Variants in CACNA1C observed in about 807,000 individuals in gnomAD.
CACNA1C encodes calcium voltage-gated channel subunit alpha1 C, also known as voltage-dependent L-type calcium channel subunit alpha-1C.
A neutral mutation model predicts 229.0 loss-of-function variants in CACNA1C; 30 were observed. The observed-to-expected ratio is 0.13, with a 90% CI of 0.10 to 0.18. The LOEUF is 0.18. Ranked by LOEUF, CACNA1C falls within the 10% of genes least tolerant of loss-of-function variation. The pLI, the probability that CACNA1C is intolerant of heterozygous loss-of-function variation, is 1.00. For synonymous variants in CACNA1C, 1,114 were observed against 1,132.5 expected (o/e 0.98, Z 0.33); for missense variants, 1,658 against 2,845.0 (o/e 0.58, Z 9.49).
At chr12:2,582,610 A>G (rs1414576086) in intron 14 of CACNA1C, among the ~76,000 whole-genome samples, 1 of 152,176 alleles carries the variant, frequency 6.6e-6, no homozygotes, top group Non-Finnish European at 1.5e-5. Context: ...GTCACCCTTC[A>G]AATAATATTA....
intron 3 of CACNA1C, among the ~76,000 whole-genome samples, chr12:2,306,041 G>A (rs1194627436): frequency 6.6e-6 from 1 of 152,202 alleles, no homozygotes; most frequent in Non-Finnish European, 1.5e-5. Flanking sequence ...CTTGCCAGAA[G>A]TTATGCAGCT....
chr12:2,489,532 T>A (rs2154571161), intron 6 of CACNA1C, among the ~76,000 whole-genome samples: 1 of 152,346 alleles, frequency 6.6e-6, no homozygotes, highest in Admixed American at 6.5e-5. Flanking sequence ...CCCATCTGTT[T>A]GATGGTGCAC....
rs190143423 is a variant in CACNA1C at position 2,641,840 on chromosome 12, T to C, written c.3913-6635T>C. On this transcript the variant is annotated intron_variant, in intron 30 of 46. Coordinates refer to ENST00000399655, the MANE Select transcript of CACNA1C (RefSeq NM_000719.7). ...CCCCATCCCCCCACAAAGGCTGTTTTCTACTCTGCTTAAGAGTATGGCTGG... is the reference window on the plus strand; with the variant it reads ...CCCCATCCCCCCACAAAGGCTGTTTCCTACTCTGCTTAAGAGTATGGCTGG... 1,808 of 700,504 alleles carry C rather than the reference T, an allele frequency of 2.6e-3. 19 individuals are homozygous for C. Among genetic ancestry groups the C allele is most frequent in the Non-Finnish European group, 1.1e-3 (417 of 384,384 alleles). 43.4% of individuals were successfully genotyped at this position (700,504 alleles called of 1,614,324 possible).
intron 27 of CACNA1C, among the ~76,000 whole-genome samples, chr12:2,610,088 G>A (rs774522112): frequency 6.6e-6 from 1 of 152,176 alleles, no homozygotes; most frequent in Non-Finnish European, 1.5e-5. Flanking sequence ...TCACACCACT[G>A]CACTCCAGCC....
chr12:2,680,614 G>A (rs1160271527), intron 42 of CACNA1C: 8 of 1,512,608 alleles, frequency 5.3e-6, no homozygotes, highest in East Asian at 2.5e-5. Flanking sequence ...GAAAATAATA[G>A]AGAAGTAGCA....
At chr12:1,977,322 G>C (rs2034710918) in intron 1 of CACNA1C, among the ~76,000 whole-genome samples, 1 of 152,144 alleles carries the variant, frequency 6.6e-6, no homozygotes, top group Admixed American at 6.5e-5. Flanking sequence ...GCCTTCGTTG[G>C]AGAGGTGTCA....
chr12:1,978,307 G>T (rs1029757378), intron 1 of CACNA1C, among the ~76,000 whole-genome samples: 5 of 152,148 alleles, frequency 3.3e-5, no homozygotes, highest in African/African-American at 1.2e-4. Flanking sequence ...AAGTACTGAA[G>T]ATGTGTTTTA....
chr12:2,110,309 G>T (rs977900724), intron 1 of CACNA1C, among the ~76,000 whole-genome samples: 2 of 152,188 alleles, frequency 1.3e-5, no homozygotes, highest in African/African-American at 4.8e-5. Flanking sequence ...TTTGACAGGT[G>T]GGAGGCATTT....
chr12:2,585,263 C>A lies in CACNA1C; in HGVS notation c.2340-113C>A. Reference sequence around the variant, plus strand: ...TGGAGAAAGGAAGATGGACTCAGACCCAGGGGATCTGTCCCCTCTGGCCCC... The same window carrying A: ...TGGAGAAAGGAAGATGGACTCAGACACAGGGGATCTGTCCCCTCTGGCCCC... On this transcript the variant is annotated intron_variant, in intron 16 of 46. Transcript: ENST00000399655. This position sits in a 1 kb window ranked among gnomAD's most constrained non-coding sequence, Gnocchi z 4.1. 1 of 1,009,774 alleles carries A rather than the reference C, an allele frequency of 9.9e-7. No individual in the cohort carries two copies. 62.6% of individuals were successfully genotyped at this position (1,009,774 alleles called of 1,614,324 possible). A position where few individuals can be genotyped will look rare whatever the true frequency, so the allele number is the denominator to read the frequency against.
At chr12:2,405,934 T>C (rs1253596931) in intron 3 of CACNA1C, among the ~76,000 whole-genome samples, 2 of 152,254 alleles carry the variant, frequency 1.3e-5, no homozygotes, top group Non-Finnish European at 2.9e-5. Flanking sequence ...GCCATTCTTT[T>C]AGTGTAGGTC....
chr12:2,027,200 A>C (rs2047476475), intron 1 of CACNA1C, among the ~76,000 whole-genome samples: 1 of 152,220 alleles, frequency 6.6e-6, no homozygotes, highest in African/African-American at 2.4e-5. Flanking sequence ...TTTGGGTGGC[A>C]TATACCACCC....
At chr12:2,339,951 A>G (rs1035473776) in intron 3 of CACNA1C, among the ~76,000 whole-genome samples, 2 of 149,968 alleles carry the variant, frequency 1.3e-5, no homozygotes, top group Admixed American at 6.6e-5. Context: ...ATGGAAATAT[A>G]TTTTTTTAAA....
chr12:2,666,853 C>CT lies in CACNA1C; in HGVS notation c.4623+74dup, dbSNP rs1381134318. On this transcript the variant is annotated intron_variant, in intron 37 of 46. Coordinates refer to ENST00000399655, the MANE Select transcript of CACNA1C (RefSeq NM_000719.7). The surrounding 1 kb of genome is among the most constrained non-coding windows in gnomAD (Gnocchi z 5.3). ...AGTGAAGTGCCCATTTCTTGTGATC[C>CT]TTTAAGGGAATGAACATACTAGTTT... 1 of 905,978 alleles carries CT rather than the reference C, an allele frequency of 1.1e-6. No individual in the cohort carries two copies. The highest frequency in any genetic ancestry group is 2.6e-5 in the East Asian group (1 of 38,202). The allele number at this position is 905,978 out of a possible 1,614,324, so 56.1% of individuals were successfully genotyped here.
At chr12:2,055,843 G>T (rs2054507193) in intron 1 of CACNA1C, among the ~76,000 whole-genome samples, 2 of 152,166 alleles carry the variant, frequency 1.3e-5, no homozygotes, top group African/African-American at 4.8e-5. Flanking sequence ...CTCTTCTTTA[G>T]TTGGTTGGCA....
intron 1 of CACNA1C, among the ~76,000 whole-genome samples, chr12:2,005,316 T>C (rs1334911082): frequency 6.6e-6 from 1 of 152,040 alleles, no homozygotes; most frequent in African/African-American, 2.4e-5. Flanking sequence ...CAAAATGAAG[T>C]GTGTCATATT....
chr12:2,165,614 G>A (rs1297606602), intron 3 of CACNA1C, among the ~76,000 whole-genome samples: 2 of 151,818 alleles, frequency 1.3e-5, no homozygotes, highest in Non-Finnish European at 2.9e-5. Context: ...CCCAGCTTTA[G>A]ACAGTGAAAC....
intron 3 of CACNA1C, among the ~76,000 whole-genome samples, chr12:2,135,809 C>T (rs1161002461): frequency 1.4e-5 from 2 of 146,670 alleles, no homozygotes; most frequent in African/African-American, 2.7e-5. Context: ...GGCAGGCAGG[C>T]CTCCTTGAGC....
chr12:2,464,644 A>G (rs2099538054), intron 5 of CACNA1C, among the ~76,000 whole-genome samples: 1 of 152,190 alleles, frequency 6.6e-6, no homozygotes, highest in South Asian at 2.1e-4. Context: ...CGTTTTTCCT[A>G]GTATGTGAGT....
chr12:1,973,969 C>T (rs1346813195), intron 1 of CACNA1C, among the ~76,000 whole-genome samples: 1 of 152,120 alleles, frequency 6.6e-6, no homozygotes, highest in Non-Finnish European at 1.5e-5. Flanking sequence ...ACAGTCCCAA[C>T]TTTTTCTTTG....
Sources: gnomAD v4.1 joint callset for allele counts (sites outside exome capture counted in the v4.1 genomes callset) on GRCh38, gnomAD v4.1.1 for gene constraint, Gnocchi (gnomAD v3.1) non-coding constraint, MANE v1.5 for transcripts, NCBI Gene and HGNC (gene_info 2026-07-23, HGNC 2026-07-21) for gene names.